The following TBC1D32 variants were observed in gnomAD, a reference collection of about 807,000 sequenced individuals.
TBC1D32 encodes TBC1 domain family member 32, also known as protein broad-minded.
Under a neutral mutation model 170.3 loss-of-function variants are expected in TBC1D32, and 151 were observed. The observed-to-expected ratio is 0.89, with a 90% CI of 0.78 to 1.01. The LOEUF is 1.01. Among genes scored for constraint, TBC1D32 ranks in the 50% least tolerant of loss-of-function variants. The pLI, the probability that TBC1D32 is intolerant of heterozygous loss-of-function variation, is 0.00. For synonymous variants in TBC1D32, 498 were observed against 488.0 expected (o/e 1.02, Z -0.27); for missense variants, 1,464 against 1,457.1 (o/e 1.00, Z -0.08).
chr6:121,304,318 G>A (rs1563322235), intron 8 of TBC1D32, 47 bp downstream of exon 8: 1 of 1,572,584 alleles, frequency 6.4e-7, no homozygotes, highest in Admixed American at 1.7e-5. Context: ...ATATGGGGCA[G>A]TAACACCGCT....
rs758688054 is a variant in TBC1D32, at chr6:121,304,505, T to A, written c.873+17A>T. Reference sequence around the variant, plus strand: ...CTAAATAAATAAAAATGAAAGCATATTGTAGTAAATGGATACCTTTTTAAG... The same window carrying A: ...CTAAATAAATAAAAATGAAAGCATAATGTAGTAAATGGATACCTTTTTAAG... On this transcript the variant is annotated intron_variant, in intron 7 of 31. Coordinates refer to ENST00000398212, the MANE Select transcript of TBC1D32 (RefSeq NM_152730.6). The A allele has an allele frequency of 6.2e-7, 1 of 1,601,376 alleles. No homozygotes were observed. Among genetic ancestry groups the A allele is most frequent in the South Asian group, 1.1e-5 (1 of 89,364 alleles).
chr6:121,226,612 C>T (rs999733152), intron 20 of TBC1D32, among the ~76,000 whole-genome samples: 9 of 151,992 alleles, frequency 5.9e-5, no homozygotes, highest in Admixed American at 2.0e-4. Flanking sequence ...TATTAGAACA[C>T]AGATGTATTA....
chr6:121,084,961 G>A (rs1776032378), intron 31 of TBC1D32, among the ~76,000 whole-genome samples: 1 of 151,824 alleles, frequency 6.6e-6, no homozygotes, highest in Non-Finnish European at 1.5e-5. Context: ...AAAGGGTAAG[G>A]TAAGTTACTT....
Position 121,242,292 on chromosome 6 carries a change from G to A in TBC1D32, c.2066C>T (p.Ala689Val). The change falls in exon 18 of 32, where the codon GCC becomes GTC. Residue 689 changes from alanine to valine, a missense_variant. This residue lies in a region of TBC1D32 where 1,363 missense variants were observed against 1,338.1 expected (regional missense o/e 1.02). Coordinates refer to ENST00000398212, the MANE Select transcript of TBC1D32 (RefSeq NM_152730.6). ...AAGAAGTAGTAATCCTTTGGGGGTG[G>A]CAGCAAAATGTAGTAAATCATCTAA... ...NLLDDLLHFA[A>V]TPKGLLLLQR... 1 of 1,612,376 alleles carries A rather than the reference G, an allele frequency of 6.2e-7. No individual in the cohort carries two copies. The highest frequency in any genetic ancestry group is 8.5e-7 in the Non-Finnish European group (1 of 1,179,148).
Position 121,240,039 on chromosome 6 carries a change from T to C in TBC1D32, c.2246-851A>G, listed in dbSNP as rs571804862. Among the ~76,000 whole-genome samples, 5 of 152,204 alleles carry C rather than the reference T, an allele frequency of 3.3e-5. No homozygotes were observed. The South Asian group carries it at 1.0e-3, about 32-fold the overall frequency. ...AGCCTTAGTTCCCCCATTTGAAAAT[T>C]GAAATAATGATGCCATAATCCAAGG... On this transcript the variant is annotated intron_variant, in intron 19 of 31. Transcript: ENST00000398212.
intron 15 of TBC1D32, among the ~76,000 whole-genome samples, chr6:121,260,387 C>T (rs902092747): frequency 6.6e-6 from 1 of 152,114 alleles, no homozygotes; most frequent in African/African-American, 2.4e-5. Flanking sequence ...CTAGAAGCAG[C>T]GGCCATCAGA....
At chr6:121,114,370 G>C (rs536383621) in intron 27 of TBC1D32, among the ~76,000 whole-genome samples, 1 of 152,174 alleles carries the variant, frequency 6.6e-6, no homozygotes, top group African/African-American at 2.4e-5. Flanking sequence ...ATTATATTGA[G>C]TTAAAAAATA....
chr6:121,143,405 A>G (rs945646414), intron 24 of TBC1D32, among the ~76,000 whole-genome samples: 1 of 152,178 alleles, frequency 6.6e-6, no homozygotes, highest in African/African-American at 2.4e-5. Flanking sequence ...ATAGATGAAG[A>G]AGAATCATCT....
At chr6:121,247,577 T>G (rs900776441) in intron 17 of TBC1D32, among the ~76,000 whole-genome samples, 1 of 150,418 alleles carries the variant, frequency 6.6e-6, no homozygotes, top group African/African-American at 2.4e-5. Flanking sequence ...AGAGACTCAC[T>G]TAACACATGA....
intron 29 of TBC1D32, among the ~76,000 whole-genome samples, chr6:121,107,341 T>C (rs1778791640): frequency 6.6e-6 from 1 of 151,960 alleles, no homozygotes; most frequent in Non-Finnish European, 1.5e-5. Context: ...TTATCATTCA[T>C]CATAAATGAC....
intron 15 of TBC1D32, among the ~76,000 whole-genome samples, chr6:121,273,230 C>T (rs1801726109): frequency 1.3e-5 from 2 of 151,154 alleles, no homozygotes; most frequent in African/African-American, 4.9e-5. Context: ...GCACGTTCTG[C>T]ACATGTACCC....
In TBC1D32 at chr6:121,325,068, T is replaced by G. The variant is rs1437094176; in HGVS notation, c.156-3274A>C. On this transcript the variant is annotated intron_variant, in intron 1 of 31. Transcript: ENST00000398212. ...CTACTAAAAATACAAAAAAATTAGC[T>G]GGGCATGGTGGCACATGCTTATAAT... 9.5e-4 allele frequency among the ~76,000 whole-genome samples: 144 copies of G among 151,968 alleles called. 1 individual carries two copies. The highest frequency in any genetic ancestry group is 7.4e-5 in the Non-Finnish European group (5 of 67,980).
intron 22 of TBC1D32, among the ~76,000 whole-genome samples, chr6:121,185,224 T>C (rs1789035829): frequency 6.6e-6 from 1 of 152,070 alleles, no homozygotes; most frequent in Non-Finnish European, 1.5e-5. Flanking sequence ...GGTACTAATA[T>C]ATGATACAAC....
At chr6:121,195,092 G>A (rs183373269) in intron 22 of TBC1D32, among the ~76,000 whole-genome samples, 170 of 152,246 alleles carry the variant, frequency 1.1e-3, no homozygotes, top group African/African-American at 3.3e-3. Context: ...TTTGGATTTC[G>A]GAGGCAACAC....
chr6:121,209,466 ACCAATACTTGCCTGCTTTCC>A (rs1316889964), intron 21 of TBC1D32, among the ~76,000 whole-genome samples: 1 of 152,148 alleles, frequency 6.6e-6, no homozygotes, highest in African/African-American at 2.4e-5. Context: ...ATACACTTTG[ACCAATACTTGCCTGCTTTCC>A]CCCTTTCCCA....
At chr6:121,278,501 G>A (rs1398524314) in intron 15 of TBC1D32, among the ~76,000 whole-genome samples, 1 of 152,108 alleles carries the variant, frequency 6.6e-6, no homozygotes, top group African/African-American at 2.4e-5. Flanking sequence ...TTATTGCAGT[G>A]TTATTTATGG....
chr6:121,151,829 C>T (rs932833573), intron 24 of TBC1D32, among the ~76,000 whole-genome samples: 3 of 152,104 alleles, frequency 2.0e-5, no homozygotes, highest in Non-Finnish European at 4.4e-5. Context: ...GCAACTCCTG[C>T]TTTTTTATGC....
At chr6:121,319,671 G>C (rs17083417) in intron 2 of TBC1D32, among the ~76,000 whole-genome samples, 7,875 of 152,184 alleles carry the variant, frequency 0.052, 404 homozygotes, top group East Asian at 0.12. Flanking sequence ...TATAAGTTTC[G>C]CTTTGAACAT....
intron 20 of TBC1D32, among the ~76,000 whole-genome samples, chr6:121,235,216 C>T (rs999351164): frequency 6.6e-6 from 1 of 152,150 alleles, no homozygotes. Context: ...AAGAGGGCAT[C>T]AGCTGTGATC....
Sources: allele counts gnomAD v4.1 joint callset (sites outside exome capture counted in the v4.1 genomes callset), GRCh38; gene constraint gnomAD v4.1.1; regional missense constraint gnomAD v4.1.1; transcripts MANE v1.5; gene names NCBI Gene and HGNC (gene_info 2026-07-23, HGNC 2026-07-21).